The following STARD13 variants were observed in gnomAD, a reference collection of about 807,000 sequenced individuals.
STARD13 encodes stAR-related lipid transfer protein 13.
A neutral mutation model predicts 106.4 loss-of-function variants in STARD13; 62 were observed. That is an observed-to-expected ratio of 0.58 (90% CI 0.48 to 0.72). STARD13 has a LOEUF of 0.72. STARD13 is among the 30% of genes least tolerant of loss of function. STARD13 has a pLI of 0.00. For missense variants in STARD13, 1,387 were observed against 1,424.0 expected, an observed-to-expected ratio of 0.97 and a Z score of 0.42; for synonymous variants, 565 against 553.0, an observed-to-expected ratio of 1.02 and a Z score of -0.31.
chr13:33,107,159 C>T (rs1223686495), intron 12 of STARD13, among the ~76,000 whole-genome samples: 1 of 152,214 alleles, frequency 6.6e-6, no homozygotes, highest in Non-Finnish European at 1.5e-5. Flanking sequence ...CAGAAATGGT[C>T]TTGCAGCTTT....
At chr13:33,336,639 C>T (rs923575353) in intron 1 of STARD13, 1 of 151,426 alleles carries the variant, frequency 6.6e-6, no homozygotes, top group African/African-American at 2.4e-5. Flanking sequence ...ATCTGTAGTC[C>T]CAGCTACTCA....
At chr13:33,652,927 T>C in the STARD13 span, among the ~76,000 whole-genome samples, 1 of 152,102 alleles carries the variant, frequency 6.6e-6, no homozygotes, top group Admixed American at 6.5e-5. Flanking sequence ...CAATAAGGTA[T>C]GACATCAAAA....
chr13:33,634,617 C>T, the STARD13 span, among the ~76,000 whole-genome samples: 3 of 152,272 alleles, frequency 2.0e-5, no homozygotes, highest in East Asian at 3.9e-4. Context: ...AAAGGAGCCT[C>T]GAGAGGTCAC....
intron 1 of STARD13, among the ~76,000 whole-genome samples, chr13:33,171,375 A>G (rs1402508650): frequency 6.6e-6 from 1 of 152,204 alleles, no homozygotes; most frequent in Non-Finnish European, 1.5e-5. Context: ...GCTGGTGAAA[A>G]TCCAATCCAT....
chr13:33,391,274 T>G, the STARD13 span, among the ~76,000 whole-genome samples: 7 of 152,152 alleles, frequency 4.6e-5, no homozygotes, highest in Admixed American at 4.6e-4. Flanking sequence ...GACGAAACCC[T>G]TCAAAATAAG....
chr13:33,519,242 T>C, the STARD13 span, among the ~76,000 whole-genome samples: 5 of 150,838 alleles, frequency 3.3e-5, no homozygotes, highest in East Asian at 5.9e-4. Context: ...CTTTCTTTCT[T>C]TCTTTCTTTC....
At chr13:33,670,233 C>G in the STARD13 span, among the ~76,000 whole-genome samples, 1 of 152,144 alleles carries the variant, frequency 6.6e-6, no homozygotes, top group African/African-American at 2.4e-5. Context: ...CTCTGTGTTT[C>G]TAATAATGTC....
intron 1 of STARD13, among the ~76,000 whole-genome samples, chr13:33,317,709 C>CTATGTTATA (rs1893393075): frequency 6.6e-6 from 1 of 152,080 alleles, no homozygotes; most frequent in Non-Finnish European, 1.5e-5. Flanking sequence ...GTACTTGATA[C>CTATGTTATA]TATGTTATAT....
the STARD13 span, among the ~76,000 whole-genome samples, chr13:33,506,541 G>A: frequency 6.6e-6 from 1 of 152,284 alleles, no homozygotes; most frequent in East Asian, 1.9e-4. Flanking sequence ...CCAAATGGAT[G>A]TGATATTTTT....
At chr13:33,673,213 T>C in the STARD13 span, among the ~76,000 whole-genome samples, 1 of 152,240 alleles carries the variant, frequency 6.6e-6, no homozygotes, top group Non-Finnish European at 1.5e-5. Flanking sequence ...AATATTCTTA[T>C]GTTCTTATTT....
chr13:33,114,775 T>C (rs1160422752), intron 8 of STARD13, among the ~76,000 whole-genome samples: 1 of 152,152 alleles, frequency 6.6e-6, no homozygotes, highest in Non-Finnish European at 1.5e-5. Flanking sequence ...GTTGTCTCAG[T>C]TCCCTTTCTA....
chr13:33,210,046 A>G (rs1887633842), intron 1 of STARD13, among the ~76,000 whole-genome samples: 1 of 152,198 alleles, frequency 6.6e-6, no homozygotes, highest in Non-Finnish European at 1.5e-5. Context: ...CAGCTTCAAC[A>G]GCAGACGCTG....
intron 1 of STARD13, among the ~76,000 whole-genome samples, chr13:33,182,536 A>G (rs1170538546): frequency 6.6e-6 from 1 of 152,234 alleles, no homozygotes; most frequent in Non-Finnish European, 1.5e-5. Flanking sequence ...TTGGAATAAG[A>G]AAAATTGTCT....
At chr13:33,464,024 C>CATATT in the STARD13 span, among the ~76,000 whole-genome samples, 1 of 112,540 alleles carries the variant, frequency 8.9e-6, no homozygotes, top group Non-Finnish European at 2.0e-5. Context: ...AAAAAAAATA[C>CATATT]ATATATATAT....
the STARD13 span, among the ~76,000 whole-genome samples, chr13:33,662,862 A>G: frequency 6.6e-5 from 10 of 152,248 alleles, no homozygotes; most frequent in Admixed American, 6.5e-5. Context: ...AAAGCTAATG[A>G]ATACGCTCTC....
chr13:33,655,785 G>A, the STARD13 span, among the ~76,000 whole-genome samples: 75 of 152,286 alleles, frequency 4.9e-4, no homozygotes, highest in African/African-American at 1.8e-3. Context: ...TTTTATATGA[G>A]CACAGGATAG....
chr13:33,513,784 T>C, the STARD13 span, among the ~76,000 whole-genome samples: 2 of 152,202 alleles, frequency 1.3e-5, no homozygotes, highest in East Asian at 3.8e-4. Context: ...AGCAGATTTT[T>C]GTTCAACTTG....
At chr13:33,122,909 G>T (rs1424825090) in intron 7 of STARD13, among the ~76,000 whole-genome samples, 1 of 151,960 alleles carries the variant, frequency 6.6e-6, no homozygotes, top group African/African-American at 2.4e-5. Flanking sequence ...ACAAAAATTA[G>T]CTGGGTATGG....
the STARD13 span, among the ~76,000 whole-genome samples, chr13:33,547,069 G>T: frequency 2.0e-5 from 3 of 152,020 alleles, no homozygotes; most frequent in Admixed American, 6.6e-5. Flanking sequence ...CATTTATAAG[G>T]CTTTTAAGTA....
Sources: gnomAD v4.1 joint callset for allele counts (sites outside exome capture counted in the v4.1 genomes callset) on GRCh38, gnomAD v4.1.1 for gene constraint, MANE v1.5 for transcripts, NCBI Gene and HGNC (gene_info 2026-07-23, HGNC 2026-07-21) for gene names.